NLGN1: variants seen among roughly 807,000 people sequenced by gnomAD.
The protein encoded by NLGN1 is neuroligin-1.
A neutral mutation model predicts 65.5 loss-of-function variants in NLGN1; 12 were observed. The observed-to-expected ratio is 0.18, with a 90% CI of 0.12 to 0.30. The LOEUF (loss-of-function observed/expected upper bound fraction) is 0.30, where lower values mean the gene tolerates loss of function less well. NLGN1 is among the 10% of genes least tolerant of loss of function. NLGN1 has a pLI of 1.00. For missense variants in NLGN1, 750 were observed against 1,007.1 expected (o/e 0.74, Z 3.46); for synonymous variants, 350 against 359.5 (o/e 0.97, Z 0.30).
At chr3:173,720,097 G>A (rs928716617) in intron 3 of NLGN1, among the ~76,000 whole-genome samples, 1 of 152,122 alleles carries the variant, frequency 6.6e-6, no homozygotes, top group African/African-American at 2.4e-5. Flanking sequence ...CTAGGCGACA[G>A]AGAGAGACTG....
chr3:174,107,355 A>G (rs1352328391), intron 4 of NLGN1, among the ~76,000 whole-genome samples: 2 of 152,254 alleles, frequency 1.3e-5, no homozygotes, highest in South Asian at 2.1e-4. Flanking sequence ...ATTTCAAGAA[A>G]GTTATATAAA....
At chr3:173,555,064 G>A (rs2149275889) in intron 2 of NLGN1, among the ~76,000 whole-genome samples, 1 of 152,052 alleles carries the variant, frequency 6.6e-6, no homozygotes, top group African/African-American at 2.4e-5. Context: ...TATTTAATGA[G>A]TTATCTTTTC....
intron 3 of NLGN1, among the ~76,000 whole-genome samples, chr3:173,638,060 A>G (rs1756865690): frequency 6.6e-6 from 1 of 152,314 alleles, no homozygotes; most frequent in Non-Finnish European, 1.5e-5. Context: ...TCTCCCAGAA[A>G]TCTGGAACTT....
At chr3:173,468,873 A>C (rs559207986) in intron 2 of NLGN1, among the ~76,000 whole-genome samples, 2 of 152,146 alleles carry the variant, frequency 1.3e-5, no homozygotes, top group Non-Finnish European at 2.9e-5. Flanking sequence ...CTGCAATGGA[A>C]TTAAAAGCCA....
chr3:173,758,721 A>C (rs1275021671), intron 3 of NLGN1, among the ~76,000 whole-genome samples: 1 of 152,006 alleles, frequency 6.6e-6, no homozygotes, highest in African/African-American at 2.4e-5. Context: ...CAATTCTTTA[A>C]GTGATTCTCA....
At chr3:173,441,029 C>CA (rs1382401598) in intron 2 of NLGN1, among the ~76,000 whole-genome samples, 13 of 152,298 alleles carry the variant, frequency 8.5e-5, no homozygotes, top group African/African-American at 3.1e-4. Flanking sequence ...CTTTCTGCTT[C>CA]ACCTTGCACT....
At chr3:174,266,471 A>ATGT (rs1308727315) in intron 4 of NLGN1, among the ~76,000 whole-genome samples, 5 of 152,132 alleles carry the variant, frequency 3.3e-5, no homozygotes. Context: ...ATGGGTATCT[A>ATGT]TGTTGATTCC....
chr3:173,897,625 C>T (rs376665411), intron 4 of NLGN1, among the ~76,000 whole-genome samples: 72 of 152,198 alleles, frequency 4.7e-4, no homozygotes, highest in African/African-American at 1.6e-3. Context: ...CTCATTATGT[C>T]TAGGTTAGGT....
chr3:173,639,518 A>G (rs1757084712), intron 3 of NLGN1, among the ~76,000 whole-genome samples: 1 of 152,218 alleles, frequency 6.6e-6, no homozygotes, highest in Admixed American at 6.5e-5. Context: ...GGACAGGTTC[A>G]TGGTTAGACA....
intron 4 of NLGN1, among the ~76,000 whole-genome samples, chr3:174,175,299 T>C (rs926159415): frequency 2.0e-5 from 3 of 151,958 alleles, no homozygotes; most frequent in African/African-American, 7.2e-5. Flanking sequence ...ATTTGCTTTA[T>C]ATATCTGAGT....
intron 2 of NLGN1, among the ~76,000 whole-genome samples, chr3:173,579,830 T>G (rs1016191239): frequency 6.6e-6 from 1 of 152,228 alleles, no homozygotes; most frequent in African/African-American, 2.4e-5. Flanking sequence ...GCACTTAATA[T>G]GAGGTTACAT....
At chr3:173,845,203 G>T (rs1283183320) in intron 4 of NLGN1, among the ~76,000 whole-genome samples, 1 of 152,146 alleles carries the variant, frequency 6.6e-6, no homozygotes, top group Non-Finnish European at 1.5e-5. Context: ...TAATTATAGT[G>T]GAACAAATAT....
At chr3:173,559,046 C>T (rs934050021) in intron 2 of NLGN1, among the ~76,000 whole-genome samples, 1 of 152,158 alleles carries the variant, frequency 6.6e-6, no homozygotes, top group African/African-American at 2.4e-5. Context: ...AATAGATGTA[C>T]TAGCTACCAT....
intron 4 of NLGN1, among the ~76,000 whole-genome samples, chr3:174,224,655 T>C (rs1739274056): frequency 6.6e-6 from 1 of 152,056 alleles, no homozygotes; most frequent in Admixed American, 6.5e-5. Flanking sequence ...GCCGAGATTG[T>C]GCCATTGCAC....
intron 4 of NLGN1, among the ~76,000 whole-genome samples, chr3:174,108,834 T>C (rs1053570942): frequency 2.0e-5 from 3 of 152,098 alleles, no homozygotes; most frequent in African/African-American, 7.2e-5. Flanking sequence ...ATGTCATTTC[T>C]TGGGTCTGAG....
intron 4 of NLGN1, among the ~76,000 whole-genome samples, chr3:174,107,463 A>T (rs74799386): frequency 6.6e-6 from 1 of 152,160 alleles, no homozygotes; most frequent in East Asian, 1.9e-4. Context: ...TGTGTGTATT[A>T]ATAGATCTTT....
intron 4 of NLGN1, among the ~76,000 whole-genome samples, chr3:174,018,428 A>G (rs2152454719): frequency 6.6e-6 from 1 of 152,262 alleles, no homozygotes; most frequent in East Asian, 1.9e-4. Flanking sequence ...AATCTTCACA[A>G]TTTATGTTCA....
intron 3 of NLGN1, among the ~76,000 whole-genome samples, chr3:173,674,457 G>T (rs1029451070): frequency 3.3e-5 from 5 of 152,036 alleles, no homozygotes; most frequent in African/African-American, 1.2e-4. Context: ...GCCAACATCT[G>T]GGTGACTTCA....
chr3:173,801,210 G>A (rs971579931), intron 3 of NLGN1, among the ~76,000 whole-genome samples: 1 of 151,852 alleles, frequency 6.6e-6, no homozygotes, highest in African/African-American at 2.4e-5. Context: ...GATTTACTCT[G>A]TAAACCTATG....
Sources: allele counts gnomAD v4.1 joint callset (sites outside exome capture counted in the v4.1 genomes callset), GRCh38; gene constraint gnomAD v4.1.1; transcripts MANE v1.5; gene names NCBI Gene and HGNC (gene_info 2026-07-23, HGNC 2026-07-21).